The following ABCA10 variants were observed in gnomAD, a reference collection of about 807,000 sequenced individuals.
ABCA10 encodes the protein ATP binding cassette subfamily A member 10, also known as ATP-binding cassette sub-family A member 10.
ABCA10 carries 169 observed loss-of-function variants against 187.5 expected under a neutral mutation model. The ratio of observed to expected loss-of-function variants is 0.90; its 90% CI spans 0.80 to 1.02. The LOEUF (loss-of-function observed/expected upper bound fraction) is 1.02, where lower values mean the gene tolerates loss of function less well. Ranked by LOEUF, ABCA10 falls within the 50% of genes least tolerant of loss-of-function variation. The pLI, the probability that ABCA10 is intolerant of heterozygous loss-of-function variation, is 0.00. For missense variants in ABCA10, 1,727 were observed against 1,812.4 expected, an observed-to-expected ratio of 0.95 and a Z score of 0.86; for synonymous variants, 574 against 601.8, an observed-to-expected ratio of 0.95 and a Z score of 0.68.
At chr17:69,190,050 C>T (rs1034435237) in intron 18 of ABCA10, among the ~76,000 whole-genome samples, 4 of 152,112 alleles carry the variant, frequency 2.6e-5, no homozygotes, top group African/African-American at 9.7e-5. Context: ...GAATTCATCG[C>T]TATAGCAGAG....
At chr17:69,214,249 C>T (rs1015595606) in intron 9 of ABCA10, among the ~76,000 whole-genome samples, 2 of 152,214 alleles carry the variant, frequency 1.3e-5, no homozygotes, top group Non-Finnish European at 2.9e-5. Context: ...GGCGCGGTGG[C>T]TCACGCCTGT....
intron 18 of ABCA10, 21 bp from the exon 19 acceptor site, chr17:69,187,900 A>G (rs1355170465): frequency 1.2e-6 from 2 of 1,603,300 alleles, no homozygotes; most frequent in South Asian, 1.1e-5. Flanking sequence ...GTAATAAAAC[A>G]TTTTAATAGG....
intron 21 of ABCA10, 95 bp from the exon 22 acceptor site, chr17:69,182,385 A>T: frequency 9.1e-7 from 1 of 1,098,442 alleles, no homozygotes; most frequent in Non-Finnish European, 1.2e-6. Context: ...TTAGAATGAG[A>T]AGGAGACTAT....
At chr17:69,177,971 A>ATATATATATATATATAT (rs1480621345) in intron 22 of ABCA10, among the ~76,000 whole-genome samples, 1 of 56,952 alleles carries the variant, frequency 1.8e-5, no homozygotes, top group Non-Finnish European at 4.2e-5. Flanking sequence ...AAAAAAAAAA[A>ATATATATATATATATAT]AAATATATAT....
Position 69,174,268 on chromosome 17 carries a change from T to C in ABCA10, c.3162+13A>G, listed in dbSNP as rs1444737992. 1.3e-6 allele frequency: 2 copies of C among 1,536,808 alleles called. No individual in the cohort carries two copies. The highest frequency in any genetic ancestry group is 2.8e-5 in the African/African-American group (2 of 71,652). On this transcript the variant is annotated intron_variant, in intron 25 of 38. Coordinates refer to ENST00000690296, the MANE Select transcript of ABCA10 (RefSeq NM_001377321.1). ...AATTTAATATAAATGTGCACGCATG[T>C]ATATATACTTACAATAAAAAAGCCA...
intron 18 of ABCA10, 53 bp downstream of exon 18, chr17:69,190,305 T>C: frequency 6.7e-7 from 1 of 1,492,856 alleles, no homozygotes; most frequent in African/African-American, 1.4e-5. Context: ...GAACATCATC[T>C]TTTTCTCTTC....
intron 9 of ABCA10, among the ~76,000 whole-genome samples, chr17:69,211,346 T>TATATA (rs2074655663): frequency 4.0e-4 from 11 of 27,734 alleles, no homozygotes; most frequent in African/African-American, 1.7e-3. Context: ...TATATATATA[T>TATATA]ATATATATAT....
At chr17:69,170,485 G>C (rs182647189) in intron 25 of ABCA10, among the ~76,000 whole-genome samples, 6 of 149,236 alleles carry the variant, frequency 4.0e-5, no homozygotes, top group Admixed American at 2.7e-4. Flanking sequence ...ATTCCTTCTG[G>C]CAAGCAATGA....
chr17:69,213,138 G>C (rs1478570802), intron 9 of ABCA10, among the ~76,000 whole-genome samples: 1 of 152,140 alleles, frequency 6.6e-6, no homozygotes, highest in Non-Finnish European at 1.5e-5. Flanking sequence ...ATGACTTTGT[G>C]TAATGGCTTG....
chr17:69,210,865 T>TATATATATATATATATATATATAGA (rs1555662878), intron 9 of ABCA10, among the ~76,000 whole-genome samples: 1 of 145,516 alleles, frequency 6.9e-6, no homozygotes, highest in African/African-American at 2.7e-5. Flanking sequence ...TATATATATA[T>TATATATATATATATATATATATAGA]GCCATATTTC....
At chr17:69,170,437 CAAAAAA>C (rs71144658) in intron 25 of ABCA10, among the ~76,000 whole-genome samples, 1 of 109,680 alleles carries the variant, frequency 9.1e-6, no homozygotes. Flanking sequence ...TTTTACTCAT[CAAAAAA>C]AAAAAAAAAA....
intron 21 of ABCA10, 32 bp from the exon 22 acceptor site, chr17:69,182,322 A>C: frequency 7.3e-7 from 1 of 1,371,098 alleles, no homozygotes; most frequent in Non-Finnish European, 9.7e-7. Flanking sequence ...ATAAGTTATA[A>C]ATTCTTATAG....
intron 1 of ABCA10, among the ~76,000 whole-genome samples, chr17:69,236,824 G>C (rs1410021255): frequency 3.3e-5 from 5 of 150,746 alleles, no homozygotes; most frequent in Non-Finnish European, 5.9e-5. Context: ...CTGGTGGGAA[G>C]AGGCTAAGAA....
Position 69,175,447 on chromosome 17 carries a change from C to T in ABCA10, c.2836G>A (p.Val946Ile), listed in dbSNP as rs763337245. ...CTGCTCATGCCGATAAAAGGAGAAA[C>T]GCAGTTTGTGATCAACAACAAAAAT... ...SIFLLLITNCVSPFIGMSSIS... is the reference protein window; with the variant it reads ...SIFLLLITNCISPFIGMSSIS... Residue 946 changes from valine (V) to isoleucine (I), a missense_variant, in exon 23 of 39, where the codon GTT becomes ATT. Transcript: ENST00000690296. 2.0e-5 allele frequency: 33 copies of T among 1,612,094 alleles called. No individual in the cohort carries two copies. The Admixed American group carries it at 2.3e-4, about 11-fold the overall frequency.
At chr17:69,192,697 C>A in intron 15 of ABCA10, 44 bp from the exon 16 acceptor site, 1 of 1,478,102 alleles carries the variant, frequency 6.8e-7, no homozygotes, top group Non-Finnish European at 9.4e-7. Context: ...AAGAGTAATT[C>A]CTTATATGGT....
chr17:69,174,364 G>T lies in ABCA10; in HGVS notation c.3079C>A (p.Leu1027Ile). The change falls in exon 25 of 39, where the codon CTT (leucine) becomes ATT (isoleucine). Residue 1027 changes from leucine (L) to isoleucine (I), a missense_variant. By Grantham distance (5) the Leu-to-Ile change is conservative (BLOSUM62 2). Transcript: ENST00000690296. ...VVCIIGCAVS[L>I]IFLTYVLSFI... is the part of the protein sequence containing the mutation. ...GAAAGCACATATGTGAGGAATATAAGAGAAACTGCACAACCAATTATGCAT... is the reference window on the plus strand; with the variant it reads ...GAAAGCACATATGTGAGGAATATAATAGAAACTGCACAACCAATTATGCAT... The T allele has an allele frequency of 6.3e-7, 1 of 1,599,918 alleles. No homozygotes were observed. Among genetic ancestry groups the T allele is most frequent in the Non-Finnish European group, 8.5e-7 (1 of 1,176,334 alleles).
chr17:69,175,618 C>T, intron 22 of ABCA10, 105 bp from the exon 23 acceptor site: 1 of 865,564 alleles, frequency 1.2e-6, no homozygotes, highest in Non-Finnish European at 1.7e-6. Context: ...GAAGCATTCA[C>T]CTGATTTAAG....
At chr17:69,157,991 A>G (rs2074186930) in intron 27 of ABCA10, among the ~76,000 whole-genome samples, 1 of 152,048 alleles carries the variant, frequency 6.6e-6, no homozygotes, top group Non-Finnish European at 1.5e-5. Flanking sequence ...TAAATTAATC[A>G]TTCTTAACAG....
At chr17:69,188,021 A>G in intron 18 of ABCA10, 142 bp from the exon 19 acceptor site, 1 of 740,282 alleles carries the variant, frequency 1.4e-6, no homozygotes, top group Non-Finnish European at 2.2e-6. Context: ...ATTTACGTTA[A>G]AAATCTTTCC....
Sources: gnomAD v4.1 joint callset for allele counts (sites outside exome capture counted in the v4.1 genomes callset) on GRCh38, gnomAD v4.1.1 for gene constraint, MANE v1.5 for transcripts, NCBI Gene and HGNC (gene_info 2026-07-23, HGNC 2026-07-21) for gene names.